The following CSMD1 variants were observed in gnomAD, a reference collection of about 807,000 sequenced individuals.
The protein encoded by CSMD1 is CUB and sushi domain-containing protein 1.
A neutral mutation model predicts 417.5 loss-of-function variants in CSMD1; 213 were observed. The observed-to-expected ratio is 0.51, with a 90% CI of 0.46 to 0.57. The LOEUF (loss-of-function observed/expected upper bound fraction) is 0.57. Ranked by LOEUF, CSMD1 falls within the 20% of genes least tolerant of loss-of-function variation. CSMD1 has a pLI of 0.00. For synonymous variants in CSMD1, 2,862 were observed against 1,736.8 expected (o/e 1.65, Z -16.11); for missense variants, 6,923 against 4,529.7 (o/e 1.53, Z -15.17).
chr8:3,569,522 C>G (rs1488363374), intron 10 of CSMD1, among the ~76,000 whole-genome samples: 1 of 152,182 alleles, frequency 6.6e-6, no homozygotes, highest in African/African-American at 2.4e-5. Flanking sequence ...TATCTTATTT[C>G]TTAAAGTTTG....
intron 3 of CSMD1, among the ~76,000 whole-genome samples, chr8:4,138,955 G>A (rs79349331): frequency 0.3 from 44,997 of 151,862 alleles, 8,086 homozygotes; most frequent in Non-Finnish European, 0.39. Flanking sequence ...AAACATTGTC[G>A]AACACTCGCC....
At position 3,840,769 on chromosome 8, in the gene CSMD1, C is replaced by G. The variant is rs1389206875; in HGVS notation, c.819-86727G>C. Reference sequence around the variant, plus strand: ...GGAGTTCAGTGGCAGGATCTCAGTTCACTGCAACGTCCGCCTCCTGGGTTC... The same window carrying G: ...GGAGTTCAGTGGCAGGATCTCAGTTGACTGCAACGTCCGCCTCCTGGGTTC... On this transcript the variant is annotated intron_variant, in intron 5 of 69. Transcript: ENST00000635120. Among the ~76,000 whole-genome samples the G allele has an allele frequency of 2.7e-5, 4 of 145,628 alleles. No homozygotes were observed. In the South Asian group the frequency reaches 8.8e-4, roughly 32 times the overall value.
chr8:4,812,830 T>C (rs1798986134), intron 1 of CSMD1, among the ~76,000 whole-genome samples: 1 of 152,214 alleles, frequency 6.6e-6, no homozygotes, highest in Non-Finnish European at 1.5e-5. Flanking sequence ...ACTCCACTTT[T>C]CATAGGGAAT....
At chr8:4,249,592 G>T (rs547202827) in intron 3 of CSMD1, among the ~76,000 whole-genome samples, 27 of 152,258 alleles carry the variant, frequency 1.8e-4, no homozygotes, top group African/African-American at 6.0e-4. Flanking sequence ...GCTGTGTATT[G>T]AGAGAATGGT....
chr8:3,697,402 T>C lies in CSMD1; in HGVS notation c.1009+11012A>G, dbSNP rs530120076. Among the ~76,000 whole-genome samples the C allele has an allele frequency of 4.0e-4, 61 of 152,368 alleles. 2 individuals carry two copies. The South Asian group carries it at 0.012, about 30-fold the overall frequency. Reference sequence around the variant, plus strand: ...CTTTGATCATCTGAGTTCATCTTGATATTTAACTCTTGGTCTCTTCGTTAT... The same window carrying C: ...CTTTGATCATCTGAGTTCATCTTGACATTTAACTCTTGGTCTCTTCGTTAT... On this transcript the variant is annotated intron_variant, in intron 7 of 69. Transcript: ENST00000635120.
At chr8:3,281,659 T>C (rs1239665898) in intron 26 of CSMD1, among the ~76,000 whole-genome samples, 1 of 152,092 alleles carries the variant, frequency 6.6e-6, no homozygotes, top group Non-Finnish European at 1.5e-5. Context: ...AAAGAGTGAT[T>C]GCTAGGAATT....
intron 49 of CSMD1, among the ~76,000 whole-genome samples, chr8:3,081,193 T>C (rs953096136): frequency 3.9e-5 from 6 of 152,350 alleles, no homozygotes; most frequent in African/African-American, 1.2e-4. Flanking sequence ...TTGATCTTGC[T>C]CATTTACTAA....
chr8:4,424,779 A>G (rs534252787), intron 2 of CSMD1, among the ~76,000 whole-genome samples: 36 of 152,176 alleles, frequency 2.4e-4, no homozygotes, highest in Non-Finnish European at 5.0e-4. Flanking sequence ...TAATGCATCA[A>G]TATTCGGTTG....
chr8:4,290,299 A>G (rs894236621), intron 3 of CSMD1, among the ~76,000 whole-genome samples: 1 of 152,088 alleles, frequency 6.6e-6, no homozygotes, highest in Non-Finnish European at 1.5e-5. Flanking sequence ...ATGTCTACAG[A>G]TGTGAAATTT....
intron 62 of CSMD1, among the ~76,000 whole-genome samples, chr8:2,958,292 A>G (rs1803166882): frequency 6.6e-6 from 1 of 152,158 alleles, no homozygotes; most frequent in Non-Finnish European, 1.5e-5. Flanking sequence ...TGAATGTCTG[A>G]GGCGTCTTCC....
At chr8:4,273,261 T>C (rs1804715030) in intron 3 of CSMD1, among the ~76,000 whole-genome samples, 1 of 152,168 alleles carries the variant, frequency 6.6e-6, no homozygotes, top group Non-Finnish European at 1.5e-5. Context: ...TGAGCATATT[T>C]GTATTAGTTC....
At position 3,290,113 on chromosome 8, in the gene CSMD1, G is replaced by C. The variant is rs556266052; in HGVS notation, c.3951-5767C>G. On this transcript the variant is annotated intron_variant, in intron 25 of 69. Transcript: ENST00000635120. Reference sequence around the variant, plus strand: ...TTTCCCCATTGCTTGTTTTTGTCAGGTTTGTCAAAGATCAGATAGTTGTAG... The same window carrying C: ...TTTCCCCATTGCTTGTTTTTGTCAGCTTTGTCAAAGATCAGATAGTTGTAG... 1.4e-5 allele frequency among the ~76,000 whole-genome samples: 2 copies of C among 146,778 alleles called. 1 individual carries two copies. The highest frequency in any genetic ancestry group is 5.4e-5 in the African/African-American group (2 of 36,806).
chr8:4,482,302 G>T (rs1801144387), intron 2 of CSMD1, among the ~76,000 whole-genome samples: 1 of 152,036 alleles, frequency 6.6e-6, no homozygotes, highest in Admixed American at 6.6e-5. Flanking sequence ...GTGTCCATGG[G>T]ATCTCTTCAT....
intron 2 of CSMD1, among the ~76,000 whole-genome samples, chr8:4,507,636 G>T (rs1394500729): frequency 2.6e-5 from 4 of 152,118 alleles, no homozygotes; most frequent in Non-Finnish European, 5.9e-5. Context: ...TGACAAAAAA[G>T]AAAGTTTGAT....
chr8:3,487,143 T>G (rs1283658749), intron 11 of CSMD1, among the ~76,000 whole-genome samples: 1 of 152,182 alleles, frequency 6.6e-6, no homozygotes, highest in Non-Finnish European at 1.5e-5. Context: ...ACTTGGTTAT[T>G]CCAGTAACTG....
At chr8:4,942,220 C>A (rs1470457163) in intron 1 of CSMD1, among the ~76,000 whole-genome samples, 1 of 152,120 alleles carries the variant, frequency 6.6e-6, no homozygotes, top group African/African-American at 2.4e-5. Context: ...ACATATAAAC[C>A]AGGCTTCACT....
chr8:4,099,820 G>A (rs951059332), intron 3 of CSMD1, among the ~76,000 whole-genome samples: 2 of 152,050 alleles, frequency 1.3e-5, no homozygotes, highest in African/African-American at 4.8e-5. Context: ...ATCCCTGATT[G>A]TATCCACATC....
intron 7 of CSMD1, chr8:3,700,667 G>T (rs927097177): frequency 2.0e-5 from 3 of 152,192 alleles, no homozygotes; most frequent in African/African-American, 7.2e-5. Context: ...AGGGAGGGAG[G>T]ATGTGATACG....
rs184665622 is a variant in CSMD1, at chr8:3,407,204, A to G, written c.2071+695T>C. ...TGGAAGGATATGGATGAATGGATGG[A>G]TGGGTGAAATAATAGATAAATGGAC... On this transcript the variant is annotated intron_variant, in intron 14 of 69. Transcript: ENST00000635120. Among the ~76,000 whole-genome samples the G allele has an allele frequency of 5.5e-3, 826 of 150,966 alleles. 1 individual carries two copies. The highest frequency in any genetic ancestry group is 9.9e-3 in the Admixed American group (150 of 15,144).
Sources: allele counts gnomAD v4.1 joint callset (sites outside exome capture counted in the v4.1 genomes callset), GRCh38; gene constraint gnomAD v4.1.1; transcripts MANE v1.5; gene names NCBI Gene and HGNC (gene_info 2026-07-23, HGNC 2026-07-21).